Variants in HSH2D observed in about 807,000 individuals in gnomAD.
HSH2D encodes hematopoietic SH2 domain containing, also known as hematopoietic SH2 domain-containing protein.
A neutral mutation model predicts 21.5 loss-of-function variants in HSH2D; 16 were observed. The ratio of observed to expected loss-of-function variants is 0.74; its 90% CI spans 0.50 to 1.13. HSH2D has a LOEUF of 1.13. Ranked by LOEUF, HSH2D falls within the 50% of genes most tolerant of loss-of-function variation. The pLI is 0.00. For synonymous variants in HSH2D, 172 were observed against 184.7 expected (o/e 0.93, Z 0.56); for missense variants, 418 against 441.4 (o/e 0.95, Z 0.47).
upstream of HSH2D, among the ~76,000 whole-genome samples, chr19:16,142,770 T>G (rs550756341): frequency 7.1e-6 from 1 of 140,462 alleles, no homozygotes; most frequent in African/African-American, 2.7e-5. Flanking sequence ...GCTGGTGTTT[T>G]TTTGTTTGTT....
upstream of HSH2D, among the ~76,000 whole-genome samples, chr19:16,139,427 GAAA>G (rs2090984728): frequency 6.6e-6 from 1 of 152,094 alleles, no homozygotes; most frequent in South Asian, 2.1e-4. Flanking sequence ...AATAAAAATT[GAAA>G]AATTAACCGG....
chr19:16,136,153 A>T (rs1202884036), intron 1 of HSH2D, among the ~76,000 whole-genome samples: 1 of 152,184 alleles, frequency 6.6e-6, no homozygotes, highest in Non-Finnish European at 1.5e-5. Context: ...TGAGCCTCCG[A>T]GCACGCACTC....
At position 16,145,511 on chromosome 19, in the gene HSH2D, C is replaced by G. The variant is rs547812307; in HGVS notation, c.-28+1737C>G. 1.5e-4 allele frequency among the ~76,000 whole-genome samples: 23 copies of G among 152,284 alleles called. No homozygotes were observed. The South Asian group carries it at 3.5e-3, about 23-fold the overall frequency. On this transcript the variant is annotated intron_variant, in intron 1 of 5. Transcript: ENST00000613986. ...TACAGGTGTGAGCTACTGCACCCAG[C>G]CTCCAATTCCAGGCTCTTAATCATT... is the stretch of plus-strand genomic sequence containing the variant.
chr19:16,153,115 G>T lies in HSH2D; in HGVS notation c.288G>T (p.Lys96Asn). Residue 96 changes from lysine (K) to asparagine (N), a missense_variant, in exon 4 of 6, where the codon AAG becomes AAT. Physicochemically the swap from Lys to Asn is moderately conservative, Grantham distance 94. Transcript: ENST00000613986. ...DDGTFMIPGEKVAHTSLDALV... is the reference protein window; with the variant it reads ...DDGTFMIPGENVAHTSLDALV... ...GGACTTTCATGATCCCCGGGGAGAA[G>T]GTGGCCCACACCTCGCTGGACGCCC... is the stretch of plus-strand genomic sequence containing the variant. 6.2e-7 allele frequency: 1 copy of T among 1,607,016 alleles called. No individual in the cohort carries two copies.
chr19:16,148,909 C>A, intron 2 of HSH2D, 34 bp downstream of exon 2: 3 of 1,577,678 alleles, frequency 1.9e-6, no homozygotes, highest in Non-Finnish European at 2.6e-6. Context: ...ACCCTGCCCT[C>A]CCCACCCTGT....
intron 4 of HSH2D, among the ~76,000 whole-genome samples, chr19:16,154,153 G>A (rs1303380507): frequency 6.6e-6 from 1 of 152,006 alleles, no homozygotes; most frequent in Non-Finnish European, 1.5e-5. Context: ...GGCTCAGTGG[G>A]TGTGGCCTAG....
intron 1 of HSH2D, among the ~76,000 whole-genome samples, chr19:16,145,090 G>T (rs923571033): frequency 2.1e-5 from 3 of 146,324 alleles, no homozygotes; most frequent in Non-Finnish European, 4.5e-5. Flanking sequence ...TCAGGCTGGA[G>T]TGCAGTGGTG....
At chr19:16,151,434 T>C (rs1300448141) in intron 2 of HSH2D, 6 of 423,176 alleles carry the variant, frequency 1.4e-5, no homozygotes, top group Non-Finnish European at 2.9e-5. Flanking sequence ...GCAAGTTCTT[T>C]CTGTTCTCAC....
At chr19:16,156,577 G>T (rs1214891376) in intron 5 of HSH2D, among the ~76,000 whole-genome samples, 1 of 152,162 alleles carries the variant, frequency 6.6e-6, no homozygotes, top group Non-Finnish European at 1.5e-5. Context: ...TAGAACCCAG[G>T]CACGCTCATT....
chr19:16,153,106 C>G lies in HSH2D; in HGVS notation c.279C>G (p.Pro93=). ...TGGATGATGGGACTTTCATGATCCC[C>G]GGGGAGAAGGTGGCCCACACCTCGC... ...KLLDDGTFMI[P]GEKVAHTSLD... The change falls in exon 4 of 6, where the codon CCC becomes CCG. Residue 93 remains proline (P), a synonymous_variant. Transcript: ENST00000613986. 1 of 1,608,214 alleles carries G rather than the reference C, an allele frequency of 6.2e-7. No homozygotes were observed. Among genetic ancestry groups the G allele is most frequent in the Non-Finnish European group, 8.5e-7 (1 of 1,177,664 alleles).
intron 1 of HSH2D, among the ~76,000 whole-genome samples, chr19:16,136,943 G>C (rs966165673): frequency 2.6e-5 from 4 of 152,166 alleles, no homozygotes; most frequent in Admixed American, 2.6e-4. Context: ...CTGTGCATCT[G>C]TCAATGCATT....
Position 16,154,478 on chromosome 19 carries a change from C to T in HSH2D, c.461C>T (p.Ser154Phe). The change falls in exon 5 of 6, where the codon TCT (serine) becomes TTT (phenylalanine). Residue 154 changes from serine (S) to phenylalanine (F), a missense_variant. Transcript: ENST00000613986. ...GCCGAGGAAGCTGCCTGCCCGGTGT[C>T]TGCCCCTGAGGAGGTATGTATATGA... ...AVAEEAACPV[S>F]APEEASPKPV... The T allele has an allele frequency of 6.4e-7, 1 of 1,551,848 alleles. No homozygotes were observed. The highest frequency in any genetic ancestry group is 8.7e-7 in the Non-Finnish European group (1 of 1,146,986).
intron 2 of HSH2D, among the ~76,000 whole-genome samples, chr19:16,149,740 C>A (rs906367510): frequency 6.6e-6 from 1 of 151,546 alleles, no homozygotes; most frequent in Non-Finnish European, 1.5e-5. Context: ...ACCACCGCAC[C>A]CGGCTAATAT....
At chr19:16,142,063 G>A (rs2091004005), upstream of HSH2D, 1 of 152,176 alleles carries the variant, frequency 6.6e-6, no homozygotes, top group Admixed American at 6.6e-5. Context: ...TCCAGCCTGA[G>A]TGACAGAGTG....
Position 16,157,583 on chromosome 19 carries a change from C to T in HSH2D, c.848C>T (p.Pro283Leu). 6.2e-7 allele frequency: 1 copy of T among 1,613,928 alleles called. No individual in the cohort carries two copies. Residue 283 changes from proline (P) to leucine (L), a missense_variant, in exon 6 of 6, where the codon CCA becomes CTA. Pro to Leu is a moderately conservative substitution (Grantham distance 98, BLOSUM62 -3). Transcript: ENST00000613986. This position sits in a 1 kb window ranked among gnomAD's most constrained non-coding sequence, Gnocchi z 4.4. ...SLKSPSQPQA[P>L]KDRKVPTRKA... Reference sequence around the variant, plus strand: ...AAAAGCCCCTCACAGCCCCAGGCACCAAAAGACAGAAAGGTCCCCACCAGG... The same window carrying T: ...AAAAGCCCCTCACAGCCCCAGGCACTAAAAGACAGAAAGGTCCCCACCAGG...
At chr19:16,154,343 G>A in intron 4 of HSH2D, 56 bp from the exon 5 acceptor site, 6 of 1,244,160 alleles carry the variant, frequency 4.8e-6, no homozygotes, top group Non-Finnish European at 6.8e-6. Context: ...TCCAGGGTCC[G>A]TGCAGGACCT....
intron 1 of HSH2D, 145 bp from the exon 2 acceptor site, chr19:16,148,579 C>T (rs1273303308): frequency 1.5e-5 from 11 of 740,320 alleles, no homozygotes; most frequent in Non-Finnish European, 2.4e-5. Flanking sequence ...AGCCGTCACA[C>T]CCAGCCACAA....
intron 1 of HSH2D, among the ~76,000 whole-genome samples, chr19:16,134,760 C>G (rs1327824603): frequency 6.6e-6 from 1 of 152,044 alleles, no homozygotes; most frequent in Non-Finnish European, 1.5e-5. Flanking sequence ...AGGTCCTCAC[C>G]TCTGTGTTTC....
At chr19:16,151,980 G>A (rs1354830829) in intron 2 of HSH2D, among the ~76,000 whole-genome samples, 11 of 148,916 alleles carry the variant, frequency 7.4e-5, no homozygotes, top group African/African-American at 2.0e-4. Flanking sequence ...GGTGGCGGGC[G>A]CCTGTAATCC....
Sources: allele counts gnomAD v4.1 joint callset (sites outside exome capture counted in the v4.1 genomes callset), GRCh38; gene constraint gnomAD v4.1.1; non-coding constraint Gnocchi (gnomAD v3.1); transcripts MANE v1.5; gene names NCBI Gene and HGNC (gene_info 2026-07-23, HGNC 2026-07-21).